The following CMSS1 variants were observed in gnomAD, a reference collection of about 807,000 sequenced individuals.
CMSS1 encodes protein CMSS1.
A neutral mutation model predicts 43.5 loss-of-function variants in CMSS1; 33 were observed. The ratio of observed to expected loss-of-function variants is 0.76; its 90% CI spans 0.57 to 1.01. The LOEUF (loss-of-function observed/expected upper bound fraction) is 1.01, where lower values mean the gene tolerates loss of function less well. Among genes scored for constraint, CMSS1 ranks in the 50% least tolerant of loss-of-function variants. The probability of loss-of-function intolerance (pLI) is 0.00; values close to 1 mark genes in which losing one functional copy is unlikely to be tolerated. For missense variants in CMSS1, 313 were observed against 326.4 expected, an observed-to-expected ratio of 0.96 and a Z score of 0.32; for synonymous variants, 115 against 117.2, an observed-to-expected ratio of 0.98 and a Z score of 0.12.
At chr3:99,925,870 G>C in intron 1 of CMSS1, 1 of 985,436 alleles carries the variant, frequency 1.0e-6, no homozygotes, top group South Asian at 4.7e-5. Context: ...TGGTTTATCA[G>C]CTCCTGGCCT....
Position 99,851,166 on chromosome 3 carries a change from A to G in CMSS1, c.64+33123A>G, listed in dbSNP as rs1006425483. ...TATGTAATTTAGAAATTATGTAATT[A>G]TATGAGCTGTGTCAGTTCATATACA... On this transcript the variant is annotated intron_variant, in intron 1 of 9. Transcript: ENST00000421999. 1.1e-5 allele frequency: 11 copies of G among 1,014,910 alleles called. No homozygotes were observed. The African/African-American group carries it at 1.1e-4, about 11-fold the overall frequency. 62.9% of individuals were successfully genotyped at this position (1,014,910 alleles called of 1,614,324 possible). A position where few individuals can be genotyped will look rare whatever the true frequency, so the allele number is the denominator to read the frequency against.
intron 1 of CMSS1, among the ~76,000 whole-genome samples, chr3:99,915,931 C>T (rs899276336): frequency 3.9e-5 from 6 of 152,200 alleles, no homozygotes; most frequent in African/African-American, 1.4e-4. Context: ...TTCTTGGCAA[C>T]TCAAAAATAT....
chr3:99,938,553 CT>C (rs1707760881), intron 1 of CMSS1, among the ~76,000 whole-genome samples: 1 of 152,326 alleles, frequency 6.6e-6, no homozygotes, highest in East Asian at 1.9e-4. Context: ...TGTCTGCTAT[CT>C]TTACATTTGC....
At chr3:100,057,071 A>G (rs1038698698) in intron 1 of CMSS1, among the ~76,000 whole-genome samples, 1 of 152,130 alleles carries the variant, frequency 6.6e-6, no homozygotes, top group Non-Finnish European at 1.5e-5. Context: ...AGAACTAATG[A>G]TTGGCAGGCT....
chr3:100,125,886 C>T (rs2066658399), intron 1 of CMSS1, among the ~76,000 whole-genome samples: 1 of 152,116 alleles, frequency 6.6e-6, no homozygotes, highest in African/African-American at 2.4e-5. Context: ...ATGAATGCAG[C>T]AAGATGTACA....
At chr3:99,831,918 C>T (rs1305126115) in intron 1 of CMSS1, among the ~76,000 whole-genome samples, 3 of 152,196 alleles carry the variant, frequency 2.0e-5, no homozygotes, top group African/African-American at 7.2e-5. Context: ...GGAACTCTAG[C>T]CTACCTGGGT....
intron 1 of CMSS1, among the ~76,000 whole-genome samples, chr3:99,964,072 G>A (rs1231837738): frequency 6.6e-6 from 1 of 152,020 alleles, no homozygotes; most frequent in Non-Finnish European, 1.5e-5. Flanking sequence ...TAATTGTTAT[G>A]TGATTAAATA....
intron 1 of CMSS1, among the ~76,000 whole-genome samples, chr3:100,071,513 A>T (rs2065762998): frequency 6.6e-6 from 1 of 152,044 alleles, no homozygotes; most frequent in East Asian, 1.9e-4. Flanking sequence ...TTTACATGGG[A>T]GAAGGGTGGG....
At chr3:99,822,962 A>G (rs1057024768) in intron 1 of CMSS1, among the ~76,000 whole-genome samples, 6 of 152,190 alleles carry the variant, frequency 3.9e-5, no homozygotes, top group Non-Finnish European at 7.3e-5. Context: ...TTCACCCAAT[A>G]CTATCTATTT....
chr3:100,167,782 A>G lies in CMSS1; in HGVS notation c.460A>G (p.Lys154Glu), dbSNP rs1320108824. The G allele has an allele frequency of 6.2e-7, 1 of 1,613,406 alleles. No individual in the cohort carries two copies. Among genetic ancestry groups the G allele is most frequent in the African/African-American group, 1.3e-5 (1 of 74,920 alleles). Residue 154 changes from lysine (K) to glutamate (E), a missense_variant, in exon 6 of 10, where the codon AAA (lysine) becomes GAA (glutamate). Lys to Glu is a moderately conservative substitution (Grantham distance 56). Coordinates refer to ENST00000421999, the MANE Select transcript of CMSS1 (RefSeq NM_032359.4). ...VKLRKNHSEK[K>E]SVLMLIICSS... ...ACTTAGGAAGAACCACAGTGAGAAG[A>G]AATCGGTCCTGATGCTGATCATCTG...
At chr3:100,135,437 C>CGTGTGT (rs1559767923) in intron 1 of CMSS1, among the ~76,000 whole-genome samples, 7 of 60,136 alleles carry the variant, frequency 1.2e-4, no homozygotes, top group African/African-American at 3.1e-4. Flanking sequence ...TGTGTGTGTG[C>CGTGTGT]ATGTGTGTGT....
At chr3:99,896,352 T>G (rs2107620369) in intron 1 of CMSS1, among the ~76,000 whole-genome samples, 1 of 152,332 alleles carries the variant, frequency 6.6e-6, no homozygotes, top group South Asian at 2.1e-4. Flanking sequence ...ATTGGTATGC[T>G]TTTCTAGAGA....
At chr3:100,156,299 C>CTTTT (rs34413816) in intron 2 of CMSS1, among the ~76,000 whole-genome samples, 37 of 73,118 alleles carry the variant, frequency 5.1e-4, no homozygotes, top group South Asian at 6.2e-4. Context: ...AATTTTTTTT[C>CTTTT]TTTTTTTTTT....
chr3:100,015,235 A>C (rs542931841), intron 1 of CMSS1, among the ~76,000 whole-genome samples: 9 of 151,760 alleles, frequency 5.9e-5, no homozygotes, highest in Non-Finnish European at 1.0e-4. Context: ...GCTCTCTGTT[A>C]TGTTCCCTTG....
chr3:100,043,056 A>G (rs772851890), intron 1 of CMSS1, among the ~76,000 whole-genome samples: 5 of 152,214 alleles, frequency 3.3e-5, no homozygotes, highest in East Asian at 1.9e-4. Flanking sequence ...CTTTACCTCA[A>G]TGTGAAGATC....
intron 1 of CMSS1, among the ~76,000 whole-genome samples, chr3:99,936,380 T>C (rs890272210): frequency 1.5e-5 from 2 of 132,456 alleles, no homozygotes; most frequent in African/African-American, 5.9e-5. Flanking sequence ...TTTTTTTTTT[T>C]TTTTTTTTTT....
At chr3:99,863,221 A>G (rs1219733796) in intron 1 of CMSS1, among the ~76,000 whole-genome samples, 1 of 152,200 alleles carries the variant, frequency 6.6e-6, no homozygotes, top group East Asian at 1.9e-4. Context: ...CCTCACCTGC[A>G]CAGTTCACAA....
intron 1 of CMSS1, among the ~76,000 whole-genome samples, chr3:99,996,458 C>T (rs1212142066): frequency 6.6e-6 from 1 of 152,150 alleles, no homozygotes. Flanking sequence ...CAAACTGTTC[C>T]AACCTCTGCC....
rs78067726 is a variant in CMSS1, at chr3:99,929,716, G to A, written c.64+111673G>A. 1.1e-3 allele frequency: 617 copies of A among 553,852 alleles called. 4 individuals carry two copies. Among genetic ancestry groups the A allele is most frequent in the African/African-American group, 0.011 (554 of 51,482 alleles). 34.3% of individuals were successfully genotyped at this position (553,852 alleles called of 1,614,324 possible). On this transcript the variant is annotated intron_variant, in intron 1 of 9. Transcript: ENST00000421999. Reference sequence around the variant, plus strand: ...TTTTAACTTTCCTATTGAACTTGTCGTATTTATCTGTTTTGTGTAGGCTTT... The same window carrying A: ...TTTTAACTTTCCTATTGAACTTGTCATATTTATCTGTTTTGTGTAGGCTTT...
Sources: gnomAD v4.1 joint callset for allele counts (sites outside exome capture counted in the v4.1 genomes callset) on GRCh38, gnomAD v4.1.1 for gene constraint, MANE v1.5 for transcripts, NCBI Gene and HGNC (gene_info 2026-07-23, HGNC 2026-07-21) for gene names.